IPO8: variants seen among roughly 807,000 people sequenced by gnomAD.
IPO8 encodes the protein importin 8.
Under a neutral mutation model 141.2 loss-of-function variants are expected in IPO8, and 65 were observed. The observed-to-expected ratio is 0.46, with a 90% CI of 0.38 to 0.57. IPO8 has a LOEUF of 0.57. IPO8 is among the 20% of genes least tolerant of loss of function. IPO8 has a pLI of 0.00. For synonymous variants in IPO8, 411 were observed against 420.3 expected (o/e 0.98, Z 0.27); for missense variants, 980 against 1,246.8 (o/e 0.79, Z 3.22).
In IPO8 at chr12:30,681,806, G is replaced by C; in HGVS notation, c.335C>G (p.Thr112Arg). The change falls in exon 4 of 25, where the codon ACA (threonine) becomes AGA (arginine). Residue 112 changes from threonine (T) to arginine (R), a missense_variant. Thr to Arg is a moderately conservative substitution (Grantham distance 71). Coordinates refer to ENST00000256079, the MANE Select transcript of IPO8 (RefSeq NM_006390.4). Reference sequence around the variant, plus strand: ...TTTTATGATGGCACGGAGACACATTGTTAATTGGACTCTACAAAGTAGGGA... The same window carrying C: ...TTTTATGATGGCACGGAGACACATTCTTAATTGGACTCTACAAAGTAGGGA... ...RSPDLVRVQLTMCLRAIIKHD... is the reference protein window; with the variant it reads ...RSPDLVRVQLRMCLRAIIKHD... 1 of 1,612,896 alleles carries C rather than the reference G, an allele frequency of 6.2e-7. No homozygotes were observed.
intron 24 of IPO8, 53 bp downstream of exon 24, chr12:30,631,842 G>T: frequency 1.7e-6 from 2 of 1,197,192 alleles, no homozygotes; most frequent in African/African-American, 1.5e-5. Context: ...AAATAAGGCT[G>T]TCTGTTGGCA....
At chr12:30,674,593 C>T (rs2053093534) in intron 7 of IPO8, 66 bp downstream of exon 7, 1 of 1,193,254 alleles carries the variant, frequency 8.4e-7, no homozygotes, top group African/African-American at 1.5e-5. Context: ...GCTCTAAAGA[C>T]AGATAATCAT....
intron 20 of IPO8, among the ~76,000 whole-genome samples, chr12:30,646,042 A>G (rs1362571596): frequency 6.6e-6 from 1 of 152,242 alleles, no homozygotes; most frequent in Non-Finnish European, 1.5e-5. Context: ...CCAAAGCCAG[A>G]CAAAAAACAT....
intron 3 of IPO8, 121 bp from the exon 4 acceptor site, chr12:30,681,938 A>T: frequency 1.4e-6 from 1 of 739,738 alleles, no homozygotes; most frequent in Non-Finnish European, 2.0e-6. Flanking sequence ...ATACTTACAT[A>T]TGTGGGGTAG....
intron 10 of IPO8, 75 bp from the exon 11 acceptor site, chr12:30,666,326 G>T (rs962820392): frequency 8.9e-7 from 1 of 1,121,480 alleles, no homozygotes; most frequent in Non-Finnish European, 1.3e-6. Flanking sequence ...CTGACTGACC[G>T]CTATTCCAAA....
intron 13 of IPO8, 91 bp from the exon 14 acceptor site, chr12:30,663,745 C>T: frequency 5.1e-6 from 5 of 972,664 alleles, no homozygotes; most frequent in Non-Finnish European, 7.0e-6. Context: ...AGTAAAATAT[C>T]AATTCTATGA....
intron 16 of IPO8, among the ~76,000 whole-genome samples, chr12:30,658,428 GT>G (rs1054658612): frequency 6.6e-6 from 1 of 151,854 alleles, no homozygotes; most frequent in African/African-American, 2.4e-5. Flanking sequence ...AAGGCTTTAG[GT>G]TTTTTTTGTC....
chr12:30,661,266 C>G lies in IPO8; in HGVS notation c.1756G>C (p.Ala586Pro). The G allele has an allele frequency of 6.3e-7, 1 of 1,580,566 alleles. No homozygotes were observed. The highest frequency in any genetic ancestry group is 8.6e-7 in the Non-Finnish European group (1 of 1,166,726). ...TGAAGAACTTTGCCAAATATCTCAG[C>G]CTATGAAAATAACATTAAAGTATTC... is the stretch of plus-strand genomic sequence containing the variant. ...SIAVDMTQHLAEIFGKVLQSD... is the reference protein window; with the variant it reads ...SIAVDMTQHLPEIFGKVLQSD... The change falls in exon 16 of 25, where the codon GCT (alanine) becomes CCT (proline). Residue 586 changes from alanine (A) to proline (P), a missense_variant and splice_region_variant. Ala to Pro is a conservative substitution (Grantham distance 27). Transcript: ENST00000256079.
chr12:30,673,049 G>C (rs1260652159), intron 8 of IPO8, among the ~76,000 whole-genome samples: 1 of 152,050 alleles, frequency 6.6e-6, no homozygotes, highest in South Asian at 2.1e-4. Context: ...TTGAGATCAC[G>C]AGTTCAAGAT....
chr12:30,665,312 A>C lies in IPO8; in HGVS notation c.1339-3T>G. 2 of 1,499,448 alleles carry C rather than the reference A, an allele frequency of 1.3e-6. No individual in the cohort carries two copies. Among genetic ancestry groups the C allele is most frequent in the Non-Finnish European group, 1.8e-6 (2 of 1,084,772 alleles). The allele number at this position is 1,499,448 out of a possible 1,614,324, so 92.9% of individuals were successfully genotyped here. On this transcript the variant is annotated splice_region_variant and splice_polypyrimidine_tract_variant and intron_variant, in intron 12 of 24. Coordinates refer to ENST00000256079, the MANE Select transcript of IPO8 (RefSeq NM_006390.4). ...ATTTGGTCCTTGAATAAACTCTTCT[A>C]TTAGGAAACAAATTTCAACTTATCA...
At chr12:30,651,154 T>C (rs1372768033) in intron 19 of IPO8, among the ~76,000 whole-genome samples, 1 of 152,146 alleles carries the variant, frequency 6.6e-6, no homozygotes, top group African/African-American at 2.4e-5. Flanking sequence ...TACTTGTTTC[T>C]TTCCCTCTTT....
rs544130858 is a variant in IPO8 at position 30,663,893 on chromosome 12, C to G, written c.1429-239G>C. ...TTTTCATAGGAAAGAGAAAAAGAAG[C>G]CAAATATGTCTTTGACAAAAATCTA... On this transcript the variant is annotated intron_variant, in intron 13 of 24. Transcript: ENST00000256079. 3.3e-5 allele frequency among the ~76,000 whole-genome samples: 5 copies of G among 152,188 alleles called. No individual in the cohort carries two copies. The East Asian group carries it at 9.7e-4, about 29-fold the overall frequency.
At chr12:30,641,957 G>A (rs965469498) in intron 20 of IPO8, among the ~76,000 whole-genome samples, 3 of 152,154 alleles carry the variant, frequency 2.0e-5, no homozygotes, top group Non-Finnish European at 4.4e-5. Flanking sequence ...TACTTTGGGA[G>A]GCTGAGACAG....
intron 1 of IPO8, among the ~76,000 whole-genome samples, chr12:30,691,078 T>G (rs2053287096): frequency 2.6e-5 from 4 of 152,212 alleles, no homozygotes; most frequent in Non-Finnish European, 5.9e-5. Context: ...ATTTATGAAT[T>G]TAAAATCTCA....
In IPO8 at chr12:30,634,064, T is replaced by G. The variant is rs1227403344; in HGVS notation, c.2899+19A>C. On this transcript the variant is annotated intron_variant, in intron 23 of 24. Coordinates refer to ENST00000256079, the MANE Select transcript of IPO8 (RefSeq NM_006390.4). Reference sequence around the variant, plus strand: ...TTAGAAAAAAAAATATCAGAAGATGTGGGGAAGTAAAGACATACTTATCAG... The same window carrying G: ...TTAGAAAAAAAAATATCAGAAGATGGGGGGAAGTAAAGACATACTTATCAG... The G allele has an allele frequency of 1.9e-6, 3 of 1,588,224 alleles. No individual in the cohort carries two copies. The Admixed American group carries it at 5.0e-5, about 27-fold the overall frequency.
At chr12:30,670,147 T>C (rs926531247) in intron 9 of IPO8, among the ~76,000 whole-genome samples, 6 of 152,218 alleles carry the variant, frequency 3.9e-5, no homozygotes, top group African/African-American at 1.4e-4. Flanking sequence ...AAAGAAATTA[T>C]CACTATTTGA....
Position 30,636,976 on chromosome 12 carries a change from CT to C in IPO8, c.2695+5del. ...TGTAACATTAATTTCAATTAGAAGACTTTACCATTTTCTTCCATATCAGCTT... is the reference window on the plus strand; with the variant it reads ...TGTAACATTAATTTCAATTAGAAGACTTACCATTTTCTTCCATATCAGCTT... On this transcript the variant is annotated splice_donor_5th_base_variant and intron_variant, in intron 22 of 24. Transcript: ENST00000256079. 6.2e-7 allele frequency: 1 copy of C among 1,610,406 alleles called. No individual in the cohort carries two copies. The highest frequency in any genetic ancestry group is 1.3e-5 in the African/African-American group (1 of 74,992).
intron 6 of IPO8, 32 bp downstream of exon 6, chr12:30,676,466 C>A: frequency 6.7e-7 from 1 of 1,486,216 alleles, no homozygotes; most frequent in South Asian, 1.1e-5. Flanking sequence ...AACCCGTTTC[C>A]CCTATTTTTC....
intron 20 of IPO8, among the ~76,000 whole-genome samples, chr12:30,646,566 T>C (rs2052649642): frequency 6.6e-6 from 1 of 152,158 alleles, no homozygotes; most frequent in Admixed American, 6.5e-5. Context: ...GTAGATAATA[T>C]GATCCTGTTT....
Sources: allele counts gnomAD v4.1 joint callset (sites outside exome capture counted in the v4.1 genomes callset), GRCh38; gene constraint gnomAD v4.1.1; transcripts MANE v1.5; gene names NCBI Gene and HGNC (gene_info 2026-07-23, HGNC 2026-07-21).